Variants in KLHDC1 observed in about 807,000 individuals in gnomAD.
KLHDC1 encodes kelch domain containing 1.
Under a neutral mutation model 68.3 loss-of-function variants are expected in KLHDC1, and 53 were observed. The ratio of observed to expected loss-of-function variants is 0.78; its 90% CI spans 0.62 to 0.98. The LOEUF is 0.98. KLHDC1 is among the 50% of genes least tolerant of loss of function. The pLI is 0.00. For synonymous variants in KLHDC1, 148 were observed against 159.0 expected (o/e 0.93, Z 0.52); for missense variants, 470 against 492.3 (o/e 0.95, Z 0.43).
Position 49,709,761 on chromosome 14 carries a change from G to T in KLHDC1, c.220G>T (p.Gly74Cys). The T allele has an allele frequency of 1.9e-6, 3 of 1,604,588 alleles. No homozygotes were observed. Among genetic ancestry groups the T allele is most frequent in the Admixed American group, 1.7e-5 (1 of 58,280 alleles). Reference sequence around the variant, plus strand: ...CCCAGCCTCCATGTCAGGAAGCTGTGGTGCTTGCATTAATGGAAAGCTGTA... The same window carrying T: ...CCCAGCCTCCATGTCAGGAAGCTGTTGTGCTTGCATTAATGGAAAGCTGTA... ...ELPASMSGSC[G>C]ACINGKLYIF... Residue 74 changes from glycine to cysteine, a missense_variant, in exon 3 of 13, where the codon GGT (glycine) becomes TGT (cysteine). Transcript: ENST00000359332.
chr14:49,713,798 GTATATATATATATATATATATATA>G (rs1174449263), intron 4 of KLHDC1, among the ~76,000 whole-genome samples: 5 of 58,546 alleles, frequency 8.5e-5, no homozygotes, highest in African/African-American at 3.4e-4. Context: ...GAGGCAGGAG[GTATATATATATATATATATATATA>G]TATATATATA....
In KLHDC1 at chr14:49,751,508, A is replaced by G. The variant is rs1594688974; in HGVS notation, c.1035-78A>G. 3 of 702,154 alleles carry G rather than the reference A, an allele frequency of 4.3e-6. 1 individual carries two copies. The allele number at this position is 702,154 out of a possible 1,614,324, so 43.5% of individuals were successfully genotyped here. ...GTCCAATACTACAATGTTAAAAAAG[A>G]AAGAATTCTTAACTATAAATATTTT... On this transcript the variant is annotated intron_variant, in intron 12 of 12. Transcript: ENST00000359332.
intron 4 of KLHDC1, among the ~76,000 whole-genome samples, chr14:49,722,271 C>T (rs1000127167): frequency 3.3e-5 from 5 of 152,142 alleles, no homozygotes; most frequent in African/African-American, 7.2e-5. Flanking sequence ...AGGCTATCCC[C>T]GACCCCATGA....
At chr14:49,729,942 A>G (rs886352194) in intron 8 of KLHDC1, among the ~76,000 whole-genome samples, 4 of 152,212 alleles carry the variant, frequency 2.6e-5, no homozygotes, top group African/African-American at 9.7e-5. Context: ...AGCAATTTGT[A>G]TAATGAGATG....
chr14:49,725,141 A>T (rs1024740850), intron 5 of KLHDC1, among the ~76,000 whole-genome samples: 3 of 152,182 alleles, frequency 2.0e-5, no homozygotes, highest in African/African-American at 7.2e-5. Context: ...GCACCCTGGG[A>T]GATGCTAAAT....
chr14:49,696,119 C>T (rs1887735414), intron 1 of KLHDC1, among the ~76,000 whole-genome samples: 1 of 150,154 alleles, frequency 6.7e-6, no homozygotes, highest in South Asian at 2.1e-4. Flanking sequence ...CATCAGGTAT[C>T]TTAGCCAGAT....
intron 3 of KLHDC1, among the ~76,000 whole-genome samples, chr14:49,710,047 G>C (rs1488555198): frequency 6.6e-6 from 1 of 151,936 alleles, no homozygotes; most frequent in African/African-American, 2.4e-5. Flanking sequence ...ATATTCATAG[G>C]ATAAGAGCAG....
chr14:49,724,398 C>A (rs2139752931), intron 5 of KLHDC1, among the ~76,000 whole-genome samples: 1 of 151,632 alleles, frequency 6.6e-6, no homozygotes, highest in African/African-American at 2.4e-5. Context: ...GACAATAAAT[C>A]ATTATTAATG....
Position 49,751,800 on chromosome 14 carries a change from T to C in KLHDC1, c.*28T>C, listed in dbSNP as rs770752732. Reference sequence around the variant, plus strand: ...TGTTATATACTTTACATATTTAGTATGTTTTAACTTTTTAATCAGACTATA... The same window carrying C: ...TGTTATATACTTTACATATTTAGTACGTTTTAACTTTTTAATCAGACTATA... On this transcript the variant is annotated 3_prime_UTR_variant, in exon 13 of 13. Transcript: ENST00000359332. 2 of 1,254,900 alleles carry C rather than the reference T, an allele frequency of 1.6e-6. No individual in the cohort carries two copies. The highest frequency in any genetic ancestry group is 5.2e-5 in the East Asian group (2 of 38,602). 77.7% of individuals were successfully genotyped at this position (1,254,900 alleles called of 1,614,324 possible). A position where few individuals can be genotyped will look rare whatever the true frequency, so the allele number is the denominator to read the frequency against.
In KLHDC1 at chr14:49,752,889, A is replaced by C. The variant is rs1034738426; in HGVS notation, c.*1117A>C. On this transcript the variant is annotated 3_prime_UTR_variant, in exon 13 of 13. Transcript: ENST00000359332. ...TTATTCTCCACAATATTACCATGCA[A>C]GTTATCTCTGAAATTTAAAATGTTA... is the stretch of plus-strand genomic sequence containing the variant. 1 of 152,086 alleles carries C rather than the reference A, an allele frequency of 6.6e-6. No homozygotes were observed. 9.4% of individuals were successfully genotyped at this position (152,086 alleles called of 1,614,324 possible).
chr14:49,730,490 G>T (rs1888779022), intron 8 of KLHDC1, among the ~76,000 whole-genome samples: 1 of 151,956 alleles, frequency 6.6e-6, no homozygotes, highest in African/African-American at 2.4e-5. Flanking sequence ...AAAGTGCTGG[G>T]ATTACAGGCA....
At chr14:49,749,635 A>G (rs923448865) in intron 12 of KLHDC1, among the ~76,000 whole-genome samples, 2 of 149,528 alleles carry the variant, frequency 1.3e-5, no homozygotes, top group South Asian at 2.1e-4. Context: ...CCGAGATCAC[A>G]TTACTACACT....
intron 1 of KLHDC1, among the ~76,000 whole-genome samples, chr14:49,703,159 C>T (rs1887954114): frequency 6.6e-6 from 1 of 151,392 alleles, no homozygotes; most frequent in African/African-American, 2.4e-5. Flanking sequence ...TAAACAATAC[C>T]TTTATTGTTT....
chr14:49,712,642 C>T (rs1233622896), intron 4 of KLHDC1, among the ~76,000 whole-genome samples: 1 of 152,006 alleles, frequency 6.6e-6, no homozygotes, highest in Non-Finnish European at 1.5e-5. Flanking sequence ...GCTGGGACTA[C>T]AGGCATGTGC....
At chr14:49,729,655 T>G (rs34410594) in intron 8 of KLHDC1, 107 bp downstream of exon 8, 103,931 of 695,034 alleles carry the variant, frequency 0.15, 9,272 homozygotes, top group Non-Finnish European at 0.19. Context: ...ATTTTTTTCC[T>G]TCAGATCGTA....
At chr14:49,724,408 G>T (rs1056644079) in intron 5 of KLHDC1, among the ~76,000 whole-genome samples, 2 of 151,476 alleles carry the variant, frequency 1.3e-5, no homozygotes, top group Admixed American at 1.3e-4. Flanking sequence ...CATTATTAAT[G>T]AAAGAAGTCA....
At chr14:49,703,549 G>A (rs1887965429) in intron 1 of KLHDC1, among the ~76,000 whole-genome samples, 1 of 151,980 alleles carries the variant, frequency 6.6e-6, no homozygotes, top group East Asian at 1.9e-4. Flanking sequence ...CACCATGATG[G>A]CCAGGTTGAT....
chr14:49,746,346 G>T (rs960565277), intron 12 of KLHDC1, among the ~76,000 whole-genome samples: 5 of 152,126 alleles, frequency 3.3e-5, no homozygotes, highest in African/African-American at 1.2e-4. Context: ...CTGGCCAGGA[G>T]GAGTTTTAGA....
chr14:49,727,051 C>G (rs1486668075), intron 6 of KLHDC1, among the ~76,000 whole-genome samples: 2 of 136,558 alleles, frequency 1.5e-5, no homozygotes, highest in Non-Finnish European at 3.4e-5. Context: ...TCGAGACCAA[C>G]CTGGGCAACA....
Sources: allele counts gnomAD v4.1 joint callset (sites outside exome capture counted in the v4.1 genomes callset), GRCh38; gene constraint gnomAD v4.1.1; transcripts MANE v1.5; gene names NCBI Gene and HGNC (gene_info 2026-07-23, HGNC 2026-07-21).